Variants in TXNRD3 observed in about 807,000 individuals in gnomAD.
The protein encoded by TXNRD3 is TXNRD3 neighbor gene protein.
TXNRD3 carries 68 observed loss-of-function variants against 78.2 expected under a neutral mutation model. That is an observed-to-expected ratio of 0.87 (90% CI 0.72 to 1.06). TXNRD3 has a LOEUF of 1.06. TXNRD3 is among the 50% of genes least tolerant of loss of function. TXNRD3 has a pLI of 0.00. For synonymous variants in TXNRD3, 296 were observed against 300.1 expected (o/e 0.99, Z 0.14); for missense variants, 751 against 809.5 (o/e 0.93, Z 0.88).
At chr3:126,649,954 A>G (rs1933333062) in intron 1 of TXNRD3, among the ~76,000 whole-genome samples, 1 of 152,076 alleles carries the variant, frequency 6.6e-6, no homozygotes, top group South Asian at 2.1e-4. Flanking sequence ...ACATGTACGT[A>G]GTGCCACTGA....
chr3:126,638,390 C>A (rs962471938), intron 6 of TXNRD3, among the ~76,000 whole-genome samples: 2 of 152,126 alleles, frequency 1.3e-5, no homozygotes, highest in African/African-American at 4.8e-5. Flanking sequence ...TACCTAAATA[C>A]ACCATGTGTT....
At position 126,654,773 on chromosome 3, in the gene TXNRD3, T is replaced by A; in HGVS notation, c.218A>T (p.Lys73Met). 7.0e-7 allele frequency: 1 copy of A among 1,422,698 alleles called. No homozygotes were observed. Among genetic ancestry groups the A allele is most frequent in the Non-Finnish European group, 9.2e-7 (1 of 1,088,248 alleles). The allele number at this position is 1,422,698 out of a possible 1,614,324, so 88.1% of individuals were successfully genotyped here. Residue 73 changes from lysine to methionine, a missense_variant, in exon 1 of 16, where the codon AAG becomes ATG. By Grantham distance (95) the Lys-to-Met change is moderately conservative (BLOSUM62 -1). Transcript: ENST00000524230. ...CCGAGTACTATGGGGACAGTAGCTC[T>A]TGCTGAAGATCACCACCCGGCTGCG...
intron 1 of TXNRD3, among the ~76,000 whole-genome samples, chr3:126,648,206 G>A (rs1389880679): frequency 2.0e-5 from 3 of 152,228 alleles, no homozygotes; most frequent in African/African-American, 7.2e-5. Flanking sequence ...CACAAATGTT[G>A]CTGAAAGGAA....
chr3:126,651,231 A>G (rs549991418), intron 1 of TXNRD3, among the ~76,000 whole-genome samples: 7 of 152,306 alleles, frequency 4.6e-5, no homozygotes, highest in African/African-American at 1.7e-4. Flanking sequence ...AAAGCAGGCT[A>G]CTCAGTCAAG....
intron 1 of TXNRD3, among the ~76,000 whole-genome samples, chr3:126,648,771 C>T (rs1033147721): frequency 1.3e-5 from 2 of 152,150 alleles, no homozygotes; most frequent in African/African-American, 2.4e-5. Flanking sequence ...AAAAGTGTCA[C>T]GACACTGGCT....
intron 10 of TXNRD3, 108 bp downstream of exon 10, chr3:126,629,271 T>A: frequency 1.2e-6 from 1 of 838,484 alleles, no homozygotes; most frequent in Non-Finnish European, 1.8e-6. Context: ...TTACAAAGAA[T>A]AAAAAAAGTA....
rs184738920 is a variant in TXNRD3 at position 126,638,776 on chromosome 3, C to A, written c.712+3256G>T. Reference sequence around the variant, plus strand: ...AAGAAAGTATTTTGTATAGGGGGAACTTTGAGGAAGCTAATTATAAGATTT... The same window carrying A: ...AAGAAAGTATTTTGTATAGGGGGAAATTTGAGGAAGCTAATTATAAGATTT... On this transcript the variant is annotated intron_variant, in intron 6 of 15. Coordinates refer to ENST00000524230, the MANE Select transcript of TXNRD3 (RefSeq NM_052883.3). Among the ~76,000 whole-genome samples, 193 of 152,220 alleles carry A rather than the reference C, an allele frequency of 1.3e-3. 1 individual carries two copies. The highest frequency in any genetic ancestry group is 6.8e-3 in the Middle Eastern group (2 of 294).
rs553088070 is a variant in TXNRD3 at position 126,631,886 on chromosome 3, A to G, written c.856-7T>C. On this transcript the variant is annotated splice_polypyrimidine_tract_variant and splice_region_variant and intron_variant, in intron 7 of 15. Transcript: ENST00000524230. ...GTCCTTTTTTATTGGTTGCCTTGAA[A>G]AAAGAGAAGTAAACCTCACTTAGCA... 1 of 1,527,060 alleles carries G rather than the reference A, an allele frequency of 6.5e-7. No individual in the cohort carries two copies. Among genetic ancestry groups the G allele is most frequent in the Non-Finnish European group, 8.8e-7 (1 of 1,138,576 alleles). 94.6% of individuals were successfully genotyped at this position (1,527,060 alleles called of 1,614,324 possible).
At chr3:126,641,495 G>A (rs1041544722) in intron 6 of TXNRD3, among the ~76,000 whole-genome samples, 2 of 152,100 alleles carry the variant, frequency 1.3e-5, no homozygotes, top group Admixed American at 6.6e-5. Context: ...AAGGCTACAT[G>A]GAGCCAATAC....
intron 10 of TXNRD3, among the ~76,000 whole-genome samples, chr3:126,623,940 G>A (rs1938514359): frequency 6.7e-6 from 1 of 148,756 alleles, no homozygotes; most frequent in Non-Finnish European, 1.5e-5. Context: ...ATCCTAAGAA[G>A]CTACAAGGTC....
At chr3:126,618,434 A>G (rs773217406) in intron 12 of TXNRD3, among the ~76,000 whole-genome samples, 15 of 152,196 alleles carry the variant, frequency 9.9e-5, no homozygotes, top group Non-Finnish European at 1.8e-4. Context: ...CAGCTAATTA[A>G]TTTTTGACAA....
chr3:126,643,221 G>A (rs1193179511), intron 5 of TXNRD3, among the ~76,000 whole-genome samples: 1 of 152,204 alleles, frequency 6.6e-6, no homozygotes, highest in African/African-American at 2.4e-5. Flanking sequence ...CAGAGGGCAA[G>A]GCTGCCAACA....
At chr3:126,623,852 C>CAAAAAAAAAAAAAAAA in intron 10 of TXNRD3, among the ~76,000 whole-genome samples, 1 of 112,012 alleles carries the variant, frequency 8.9e-6, no homozygotes, top group Non-Finnish European at 1.7e-5. Flanking sequence ...GAAACAAGGC[C>CAAAAAAAAAAAAAAAA]AAAAAAAAAA....
In TXNRD3 at chr3:126,629,416, G is replaced by A; in HGVS notation, c.1253C>T (p.Thr418Ile). Residue 418 changes from threonine to isoleucine, a missense_variant, in exon 10 of 16, where the codon ACT (threonine) becomes ATT (isoleucine). By Grantham distance (89) the Thr-to-Ile change is moderately conservative. Transcript: ENST00000524230. ...TCCTTCAATTGTTTCTGTTCCTTCA[G>A]TGGATTTAGCCAACACTTTCAGCTT... is the stretch of plus-strand genomic sequence containing the variant. The A allele has an allele frequency of 6.5e-7, 1 of 1,535,584 alleles. No homozygotes were observed.
intron 7 of TXNRD3, among the ~76,000 whole-genome samples, chr3:126,632,159 A>G (rs986832027): frequency 1.4e-4 from 22 of 152,178 alleles, no homozygotes. Flanking sequence ...AGAAAAATGA[A>G]ATGATGGGAG....
chr3:126,621,715 T>C, intron 12 of TXNRD3, 27 bp downstream of exon 12: 2 of 1,459,608 alleles, frequency 1.4e-6, no homozygotes, highest in Non-Finnish European at 1.8e-6. Context: ...GATCAGGACA[T>C]TATCTCAAAA....
chr3:126,617,656 A>G (rs968513918), intron 12 of TXNRD3, among the ~76,000 whole-genome samples: 1 of 152,262 alleles, frequency 6.6e-6, no homozygotes, highest in Admixed American at 6.5e-5. Flanking sequence ...GTCAGAGTTA[A>G]GAACTGGAGC....
chr3:126,645,537 A>G (rs1933205349), intron 3 of TXNRD3, among the ~76,000 whole-genome samples: 1 of 152,218 alleles, frequency 6.6e-6, no homozygotes, highest in Non-Finnish European at 1.5e-5. Flanking sequence ...AAATACAACT[A>G]TTTAATCAAC....
chr3:126,611,581 T>A (rs1008966067), intron 13 of TXNRD3, among the ~76,000 whole-genome samples: 3 of 152,190 alleles, frequency 2.0e-5, no homozygotes, highest in African/African-American at 4.8e-5. Context: ...AACCCAGCCA[T>A]GGGAGAGCAG....
Sources: gnomAD v4.1 joint callset for allele counts (sites outside exome capture counted in the v4.1 genomes callset) on GRCh38, gnomAD v4.1.1 for gene constraint, MANE v1.5 for transcripts, NCBI Gene and HGNC (gene_info 2026-07-23, HGNC 2026-07-21) for gene names.